Variants in ABAT observed in about 807,000 individuals in gnomAD.
ABAT encodes the protein 4-aminobutyrate aminotransferase, also known as 4-aminobutyrate aminotransferase, mitochondrial.
In ABAT, 45 loss-of-function variants were observed where a neutral mutation model predicts 64.6. That is an observed-to-expected ratio of 0.70 (90% CI 0.55 to 0.89). The LOEUF (loss-of-function observed/expected upper bound fraction) is 0.89. Ranked by LOEUF, ABAT falls within the 40% of genes least tolerant of loss-of-function variation. The probability of loss-of-function intolerance (pLI) is 0.00; values close to 1 mark genes in which losing one functional copy is unlikely to be tolerated. For synonymous variants in ABAT, 297 were observed against 250.5 expected (o/e 1.19, Z -1.75); for missense variants, 633 against 658.4 (o/e 0.96, Z 0.42).
chr16:8,742,628 G>A (rs1199211376), intron 2 of ABAT, among the ~76,000 whole-genome samples: 1 of 152,072 alleles, frequency 6.6e-6, no homozygotes, highest in Non-Finnish European at 1.5e-5. Context: ...ACTTTGGGGG[G>A]CCAAGGCGGG....
At chr16:8,682,636 G>A (rs145089597) in intron 1 of ABAT, among the ~76,000 whole-genome samples, 13 of 152,288 alleles carry the variant, frequency 8.5e-5, no homozygotes, top group African/African-American at 3.1e-4. Context: ...CTTGTCCAGA[G>A]GTCCCGTAAT....
intron 1 of ABAT, among the ~76,000 whole-genome samples, chr16:8,718,158 C>T (rs901835896): frequency 2.0e-5 from 3 of 152,142 alleles, no homozygotes; most frequent in Admixed American, 6.6e-5. Context: ...AATACTGTTG[C>T]AAGAATGGAA....
chr16:8,681,641 CTTTT>C lies in ABAT; in HGVS notation c.-42+6945_-42+6948del, dbSNP rs35141742. Among the ~76,000 whole-genome samples the C allele has an allele frequency of 1.7e-3, 216 of 127,740 alleles. 1 individual carries two copies. The highest frequency in any genetic ancestry group is 8.5e-3 in the East Asian group (36 of 4,226). The allele number at this position is 127,740 out of a possible 152,430, so 83.8% of individuals were successfully genotyped here. ...TGGCCCCTAATCCAATGACTGCTAT[CTTTT>C]TTTTTTTTTTTTTTGAGATGGAGTC... On this transcript the variant is annotated intron_variant, in intron 1 of 15. Transcript: ENST00000268251.
intron 1 of ABAT, among the ~76,000 whole-genome samples, chr16:8,679,335 C>T (rs1210317374): frequency 1.3e-5 from 2 of 152,124 alleles, no homozygotes; most frequent in African/African-American, 4.8e-5. Flanking sequence ...CTCATCTCAG[C>T]AGGCCAAGCC....
chr16:8,731,647 A>ATTTTTTTTTTT (rs2058722845), intron 1 of ABAT: 1 of 149,064 alleles, frequency 6.7e-6, no homozygotes, highest in Non-Finnish European at 1.5e-5. Context: ...TTTTTTTTTA[A>ATTTTTTTTTTT]TTGTTATTTT....
intron 9 of ABAT, among the ~76,000 whole-genome samples, chr16:8,767,739 G>A (rs1000216031): frequency 3.9e-5 from 6 of 152,124 alleles, no homozygotes; most frequent in African/African-American, 7.2e-5. Context: ...GCAGTGGCGC[G>A]AACTCGGCTC....
intron 1 of ABAT, among the ~76,000 whole-genome samples, chr16:8,688,986 A>G (rs1220802497): frequency 6.6e-6 from 1 of 151,984 alleles, no homozygotes; most frequent in Non-Finnish European, 1.5e-5. Flanking sequence ...AGGCTGAGGC[A>G]GGAGAATCAC....
chr16:8,734,669 G>A (rs1338222314), intron 1 of ABAT, among the ~76,000 whole-genome samples: 3 of 152,184 alleles, frequency 2.0e-5, no homozygotes, highest in Non-Finnish European at 4.4e-5. Flanking sequence ...CCATGAAGAG[G>A]AATGACTCAT....
At chr16:8,756,732 T>C (rs993370318) in intron 5 of ABAT, among the ~76,000 whole-genome samples, 1 of 152,216 alleles carries the variant, frequency 6.6e-6, no homozygotes, top group Non-Finnish European at 1.5e-5. Context: ...ATTCGTTACA[T>C]TAGAAGGCTT....
chr16:8,685,193 C>G (rs118047758), intron 1 of ABAT, among the ~76,000 whole-genome samples: 6,682 of 151,500 alleles, frequency 0.044, 220 homozygotes, highest in South Asian at 0.084. Context: ...GGCTGAGGCA[C>G]AAGAATCACT....
intron 1 of ABAT, among the ~76,000 whole-genome samples, chr16:8,694,224 G>A (rs1157919082): frequency 2.7e-5 from 4 of 150,216 alleles, no homozygotes; most frequent in Non-Finnish European, 3.0e-5. Context: ...GTAGAGACAG[G>A]GTTTCACCGT....
At chr16:8,748,209 T>A in intron 4 of ABAT, 72 bp downstream of exon 4, 2 of 1,415,286 alleles carry the variant, frequency 1.4e-6, no homozygotes, top group Non-Finnish European at 2.0e-6. Context: ...AGATGCTTAA[T>A]CTGTTCTGGC....
chr16:8,749,223 G>T (rs2059411007), intron 4 of ABAT, among the ~76,000 whole-genome samples: 1 of 150,776 alleles, frequency 6.6e-6, no homozygotes, highest in African/African-American at 2.4e-5. Context: ...AAGTCACTGA[G>T]ATTACAGGCA....
chr16:8,707,353 A>ATTTTTTTTTTTTTTTTTTTTTTTT (rs386384172), intron 1 of ABAT, among the ~76,000 whole-genome samples: 1 of 123,950 alleles, frequency 8.1e-6, no homozygotes, highest in African/African-American at 3.3e-5. Context: ...TGCCAGGGTA[A>ATTTTTTTTTTTTTTTTTTTTTTTT]TTTTTTTTTT....
intron 2 of ABAT, chr16:8,737,600 T>C (rs888482884): frequency 2.0e-5 from 3 of 151,794 alleles, no homozygotes; most frequent in Non-Finnish European, 4.4e-5. Context: ...GTTAACATCT[T>C]ACATCACCAA....
chr16:8,779,950 G>A (rs1313617450), intron 15 of ABAT, among the ~76,000 whole-genome samples: 2 of 152,186 alleles, frequency 1.3e-5, no homozygotes, highest in Admixed American at 6.5e-5. Flanking sequence ...TAAGTCCTGG[G>A]AAGGAGAAAA....
At position 8,735,710 on chromosome 16, in the gene ABAT, G is replaced by T; in HGVS notation, c.-30G>T. On this transcript the variant is annotated 5_prime_UTR_variant, in exon 2 of 16. Transcript: ENST00000268251. ...CTGGTTTCTTTCAGGGTGGCAGCAC[G>T]CAAAGGGTGTCCCTGTCCCTCAAGG... is the stretch of plus-strand genomic sequence containing the variant. The T allele has an allele frequency of 1.9e-6, 3 of 1,575,166 alleles. No individual in the cohort carries two copies. Among genetic ancestry groups the T allele is most frequent in the South Asian group, 1.2e-5 (1 of 86,160 alleles).
chr16:8,776,278 G>T lies in ABAT; in HGVS notation c.1123-66G>T. On this transcript the variant is annotated intron_variant, in intron 13 of 15. Coordinates refer to ENST00000268251, the MANE Select transcript of ABAT (RefSeq NM_020686.6). The surrounding 1 kb of genome is among the most constrained non-coding windows in gnomAD (Gnocchi z 4.4). ...CTTCAAGAGAGGAGGCGGGGCGCCTGGGGTAAGTGACTCCTGCAGGGTGTG... is the reference window on the plus strand; with the variant it reads ...CTTCAAGAGAGGAGGCGGGGCGCCTTGGGTAAGTGACTCCTGCAGGGTGTG... 1 of 1,611,106 alleles carries T rather than the reference G, an allele frequency of 6.2e-7. No individual in the cohort carries two copies. The highest frequency in any genetic ancestry group is 8.5e-7 in the Non-Finnish European group (1 of 1,178,520).
chr16:8,697,945 G>A (rs564146025), intron 1 of ABAT, among the ~76,000 whole-genome samples: 30 of 152,252 alleles, frequency 2.0e-4, no homozygotes, highest in Admixed American at 3.3e-4. Flanking sequence ...CCCTGTGCAA[G>A]CTTTAAATTG....
Sources: gnomAD v4.1 joint callset for allele counts (sites outside exome capture counted in the v4.1 genomes callset) on GRCh38, gnomAD v4.1.1 for gene constraint, Gnocchi (gnomAD v3.1) non-coding constraint, MANE v1.5 for transcripts, NCBI Gene and HGNC (gene_info 2026-07-23, HGNC 2026-07-21) for gene names.